ARHGEF37: variants seen among roughly 807,000 people sequenced by gnomAD.
ARHGEF37 encodes the protein Rho guanine nucleotide exchange factor (GEF) 37.
Under a neutral mutation model 71.1 loss-of-function variants are expected in ARHGEF37, and 55 were observed. That is an observed-to-expected ratio of 0.77 (90% confidence interval 0.62 to 0.97). The LOEUF (loss-of-function observed/expected upper bound fraction) is 0.97, where lower values mean the gene tolerates loss of function less well. Ranked by LOEUF, ARHGEF37 falls within the 50% of genes least tolerant of loss-of-function variation. The pLI is 0.00. For synonymous variants in ARHGEF37, 327 were observed against 350.6 expected (o/e 0.93, Z 0.75); for missense variants, 765 against 836.8 (o/e 0.91, Z 1.06).
chr5:149,581,153 G>T (rs1267590081), upstream of ARHGEF37, among the ~76,000 whole-genome samples: 1 of 152,180 alleles, frequency 6.6e-6, no homozygotes, highest in Non-Finnish European at 1.5e-5. Context: ...TGGTGATTCG[G>T]GCAGGAGCAA....
At chr5:149,596,708 A>G (rs1274934329) in intron 1 of ARHGEF37, among the ~76,000 whole-genome samples, 1 of 152,222 alleles carries the variant, frequency 6.6e-6, no homozygotes, top group Non-Finnish European at 1.5e-5. Flanking sequence ...GAGTAGCCTT[A>G]GAGAAGTGAA....
intron 1 of ARHGEF37, among the ~76,000 whole-genome samples, chr5:149,594,467 C>T (rs1249315689): frequency 1.3e-5 from 2 of 152,184 alleles, no homozygotes; most frequent in African/African-American, 4.8e-5. Context: ...GGGCCTTTGC[C>T]CTCTGTACAT....
chr5:149,609,289 T>C (rs549993436), intron 3 of ARHGEF37, among the ~76,000 whole-genome samples: 3 of 152,338 alleles, frequency 2.0e-5, no homozygotes, highest in Non-Finnish European at 2.9e-5. Flanking sequence ...GGTATGACTA[T>C]AGCTACCATT....
At chr5:149,608,982 C>T (rs1763994964) in intron 3 of ARHGEF37, among the ~76,000 whole-genome samples, 1 of 151,958 alleles carries the variant, frequency 6.6e-6, no homozygotes. Flanking sequence ...GTCAGGAATT[C>T]AAGACCAGCC....
At chr5:149,571,635 C>T (rs1430728254) in intron 1 of ARHGEF37, among the ~76,000 whole-genome samples, 1 of 152,012 alleles carries the variant, frequency 6.6e-6, no homozygotes, top group Admixed American at 6.6e-5. Flanking sequence ...AAATTGACAA[C>T]GTGGGCCAGG....
At chr5:149,562,305 C>G (rs1762842780) in intron 1 of ARHGEF37, among the ~76,000 whole-genome samples, 2 of 152,148 alleles carry the variant, frequency 1.3e-5, no homozygotes, top group Non-Finnish European at 2.9e-5. Flanking sequence ...CTGTATAGTT[C>G]ATAGAGTATT....
chr5:149,568,177 C>T (rs1561783569), intron 1 of ARHGEF37, among the ~76,000 whole-genome samples: 2 of 152,034 alleles, frequency 1.3e-5, no homozygotes, highest in African/African-American at 4.8e-5. Context: ...TGCACCACCA[C>T]GCCTGGCTAA....
chr5:149,554,321 C>T (rs548407904), intron 1 of ARHGEF37, among the ~76,000 whole-genome samples: 99 of 152,232 alleles, frequency 6.5e-4, no homozygotes, highest in African/African-American at 2.2e-3. Flanking sequence ...CAGAGTGAGA[C>T]CTTGTCTCAA....
upstream of ARHGEF37, among the ~76,000 whole-genome samples, chr5:149,577,629 G>C (rs2113255437): frequency 6.6e-6 from 1 of 152,314 alleles, no homozygotes; most frequent in South Asian, 2.1e-4. Context: ...CACTTCTCCA[G>C]GTTTGGAGCA....
intron 12 of ARHGEF37, among the ~76,000 whole-genome samples, chr5:149,631,712 T>C (rs1052361007): frequency 1.7e-4 from 26 of 152,282 alleles, no homozygotes; most frequent in African/African-American, 5.8e-4. Context: ...ATTTTTCTTA[T>C]CTGAAAAATG....
chr5:149,625,570 G>T (rs1752660937), intron 10 of ARHGEF37, among the ~76,000 whole-genome samples: 1 of 152,226 alleles, frequency 6.6e-6, no homozygotes, highest in African/African-American at 2.4e-5. Context: ...CCGCCACAAG[G>T]CTGCAGGCTG....
intron 1 of ARHGEF37, among the ~76,000 whole-genome samples, chr5:149,574,391 G>T (rs1240940673): frequency 6.6e-6 from 1 of 152,176 alleles, no homozygotes; most frequent in Non-Finnish European, 1.5e-5. Flanking sequence ...CACAGAAGCT[G>T]GAGGATATTG....
intron 1 of ARHGEF37, among the ~76,000 whole-genome samples, chr5:149,567,500 G>A (rs1050890775): frequency 2.0e-4 from 31 of 152,160 alleles, no homozygotes; most frequent in African/African-American, 1.7e-4. Context: ...TGTGGCATCC[G>A]TTAAGGTTTT....
chr5:149,621,720 T>A lies in ARHGEF37; in HGVS notation c.1006-13T>A, dbSNP rs78820823. 22 of 1,602,940 alleles carry A rather than the reference T, an allele frequency of 1.4e-5. No individual in the cohort carries two copies. Among genetic ancestry groups the A allele is most frequent in the Non-Finnish European group, 1.8e-5 (21 of 1,173,418 alleles). On this transcript the variant is annotated splice_polypyrimidine_tract_variant and intron_variant, in intron 8 of 12. Transcript: ENST00000333677. Reference sequence around the variant, plus strand: ...CCTCCTTTCCCGACTCCCACGCTCATGTCTCCCCACAGAAGCAACGGCTAG... The same window carrying A: ...CCTCCTTTCCCGACTCCCACGCTCAAGTCTCCCCACAGAAGCAACGGCTAG...
intron 1 of ARHGEF37, among the ~76,000 whole-genome samples, chr5:149,560,496 A>G (rs1030010347): frequency 2.0e-5 from 3 of 152,204 alleles, no homozygotes; most frequent in South Asian, 4.1e-4. Flanking sequence ...GACAGGTTAA[A>G]TTATGTCAGA....
chr5:149,611,119 G>A (rs1764066170), intron 4 of ARHGEF37, among the ~76,000 whole-genome samples: 1 of 152,176 alleles, frequency 6.6e-6, no homozygotes, highest in Non-Finnish European at 1.5e-5. Flanking sequence ...TGGTCTCATG[G>A]TTCTAAGGGC....
At chr5:149,598,050 C>T (rs7709875) in intron 2 of ARHGEF37, 95 bp downstream of exon 2, 728,335 of 1,413,164 alleles carry the variant, frequency 0.52, 191,150 homozygotes, top group East Asian at 0.75. Context: ...GCAAGCTTGA[C>T]AGAAAGGAAG....
chr5:149,609,776 T>G (rs1764026897), intron 4 of ARHGEF37, 81 bp downstream of exon 4: 1 of 1,566,614 alleles, frequency 6.4e-7, no homozygotes, highest in Middle Eastern at 2.3e-4. Context: ...CCCTTTTTCA[T>G]GCCATTCGTG....
intron 3 of ARHGEF37, among the ~76,000 whole-genome samples, chr5:149,603,070 T>A (rs1033531448): frequency 5.3e-5 from 8 of 151,962 alleles, no homozygotes; most frequent in African/African-American, 9.7e-5. Flanking sequence ...GTAGCTGGGA[T>A]TACAGGCGCC....
Sources: allele counts gnomAD v4.1 joint callset (sites outside exome capture counted in the v4.1 genomes callset), GRCh38; gene constraint gnomAD v4.1.1; transcripts MANE v1.5; gene names NCBI Gene and HGNC (gene_info 2026-07-23, HGNC 2026-07-21).